UGT1A6: variants seen among roughly 807,000 people sequenced by gnomAD.
UGT1A6 encodes UDP glucuronosyltransferase family 1 member A6.
A neutral mutation model predicts 44.4 loss-of-function variants in UGT1A6; 32 were observed. That is an observed-to-expected ratio of 0.72 (90% confidence interval 0.54 to 0.97). The LOEUF (loss-of-function observed/expected upper bound fraction) is 0.97, where lower values mean the gene tolerates loss of function less well. Ranked by LOEUF, UGT1A6 falls within the 50% of genes least tolerant of loss-of-function variation. UGT1A6 has a pLI of 0.00. For synonymous variants in UGT1A6, 238 were observed against 248.5 expected, an observed-to-expected ratio of 0.96 and a Z score of 0.40; for missense variants, 685 against 661.9, an observed-to-expected ratio of 1.03 and a Z score of -0.38.
chr2:233,732,117 C>A (rs2078240109), intron 1 of UGT1A6, among the ~76,000 whole-genome samples: 1 of 144,304 alleles, frequency 6.9e-6, no homozygotes, highest in Non-Finnish European at 1.5e-5. Context: ...CCTTTGCCCA[C>A]TTTTTGATGA....
chr2:233,737,526 G>A (rs574961545), intron 1 of UGT1A6, among the ~76,000 whole-genome samples: 8 of 152,286 alleles, frequency 5.3e-5, no homozygotes, highest in East Asian at 3.9e-4. Context: ...GTGAGGCGAC[G>A]CCCTGCCCTG....
intron 1 of UGT1A6, among the ~76,000 whole-genome samples, chr2:233,697,447 T>A (rs2075391159): frequency 6.6e-6 from 1 of 151,962 alleles, no homozygotes; most frequent in Admixed American, 6.5e-5. Context: ...TCTGATTTTA[T>A]CTGAGTGTTT....
At chr2:233,760,129 C>T (rs1575768749) in intron 1 of UGT1A6, 2 of 1,354,926 alleles carry the variant, frequency 1.5e-6, no homozygotes, top group Non-Finnish European at 2.0e-6. Flanking sequence ...GCTCCACCTT[C>T]TTTATCTCTG....
intron 1 of UGT1A6, among the ~76,000 whole-genome samples, chr2:233,707,811 C>T (rs1355415040): frequency 1.3e-5 from 2 of 152,088 alleles, no homozygotes; most frequent in Admixed American, 6.6e-5. Flanking sequence ...CGTTGGAGGG[C>T]GTGCATATCA....
At chr2:233,711,897 G>A (rs553450118) in intron 1 of UGT1A6, among the ~76,000 whole-genome samples, 2 of 152,310 alleles carry the variant, frequency 1.3e-5, no homozygotes, top group South Asian at 4.1e-4. Context: ...TCTCATGGGC[G>A]TGAGACCATT....
At chr2:233,754,712 G>A (rs1446965337) in intron 1 of UGT1A6, 3 of 540,884 alleles carry the variant, frequency 5.5e-6, no homozygotes, top group East Asian at 1.4e-4. Context: ...TGGACTTGAA[G>A]CTGCCTGTCC....
intron 1 of UGT1A6, chr2:233,729,168 A>G (rs746194501): frequency 1.2e-6 from 2 of 1,613,726 alleles, no homozygotes; most frequent in Admixed American, 1.7e-5. Context: ...GGCTGGCCAC[A>G]GGACTGCTGC....
At chr2:233,714,373 T>G (rs899133661) in intron 1 of UGT1A6, among the ~76,000 whole-genome samples, 1 of 152,172 alleles carries the variant, frequency 6.6e-6, no homozygotes, top group Admixed American at 6.5e-5. Flanking sequence ...TTGACTCAGT[T>G]CAGTGGAATT....
intron 1 of UGT1A6, among the ~76,000 whole-genome samples, chr2:233,759,869 A>G (rs1186818099): frequency 6.6e-6 from 1 of 152,190 alleles, no homozygotes; most frequent in African/African-American, 2.4e-5. Flanking sequence ...AAGCGGGGGT[A>G]CAGTTGTGTT....
Position 233,772,382 on chromosome 2 carries a change from C to T in UGT1A6, c.1422C>T (p.Arg474=). 5 of 1,614,256 alleles carry T rather than the reference C, an allele frequency of 3.1e-6. No homozygotes were observed. The highest frequency in any genetic ancestry group is 2.5e-6 in the Non-Finnish European group (3 of 1,180,048). ...GGCACAAGGGCGCGCCACACCTGCGCCCCGCAGCCCACGACCTCACCTGGT... is the reference window on the plus strand; with the variant it reads ...GGCACAAGGGCGCGCCACACCTGCGTCCCGCAGCCCACGACCTCACCTGGT... ...VMRHKGAPHL[R]PAAHDLTWYQ... The change falls in exon 5 of 5, where the codon CGC becomes CGT. Residue 474 remains arginine, a synonymous_variant. Coordinates refer to ENST00000305139, the MANE Select transcript of UGT1A6 (RefSeq NM_001072.4).
rs1406835631 is a variant in UGT1A6 at position 233,768,368 on chromosome 2, G to T, written c.1230G>T (p.Val410=). The T allele has an allele frequency of 6.2e-7, 1 of 1,614,116 alleles. No individual in the cohort carries two copies. The highest frequency in any genetic ancestry group is 2.2e-5 in the East Asian group (1 of 44,876). Residue 410 remains valine, a synonymous_variant, in exon 4 of 5, where the codon GTG becomes GTT. Coordinates refer to ENST00000305139, the MANE Select transcript of UGT1A6 (RefSeq NM_001072.4). ...AKRMETKGAG[V]TLNVLEMTSE... ...GCATGGAGACTAAGGGAGCTGGAGT[G>T]ACCCTGAATGTTCTGGAAATGACTT...
intron 1 of UGT1A6, among the ~76,000 whole-genome samples, chr2:233,759,074 G>A (rs550324440): frequency 5.3e-5 from 8 of 152,342 alleles, no homozygotes; most frequent in African/African-American, 1.9e-4. Flanking sequence ...GAATTTGGAA[G>A]AAAGAGACTT....
At chr2:233,713,798 C>T in intron 1 of UGT1A6, 1 of 1,614,086 alleles carries the variant, frequency 6.2e-7, no homozygotes, top group Non-Finnish European at 8.5e-7. Flanking sequence ...CCAGGCCGAT[C>T]ATGCCCAACA....
At chr2:233,721,755 T>C in intron 1 of UGT1A6, 1 of 459,594 alleles carries the variant, frequency 2.2e-6, no homozygotes, top group Non-Finnish European at 4.3e-6. Flanking sequence ...AATCTACATC[T>C]AAATTGTTAT....
intron 1 of UGT1A6, among the ~76,000 whole-genome samples, chr2:233,739,630 G>A (rs535320958): frequency 6.6e-6 from 1 of 152,302 alleles, no homozygotes; most frequent in African/African-American, 2.4e-5. Context: ...CATTTGAAAT[G>A]GGAACATTTA....
At chr2:233,701,642 G>C (rs376187281) in intron 1 of UGT1A6, among the ~76,000 whole-genome samples, 7 of 152,306 alleles carry the variant, frequency 4.6e-5, no homozygotes, top group Admixed American at 2.6e-4. Flanking sequence ...ATAGCAAACT[G>C]TCTCTCAGAC....
At chr2:233,759,585 G>C in intron 1 of UGT1A6, among the ~76,000 whole-genome samples, 1 of 148,700 alleles carries the variant, frequency 6.7e-6, no homozygotes, top group Non-Finnish European at 1.5e-5. Context: ...ACCCCAGCAC[G>C]CCCCCCACCC....
At chr2:233,716,806 G>A (rs1420257230) in intron 1 of UGT1A6, among the ~76,000 whole-genome samples, 2 of 152,272 alleles carry the variant, frequency 1.3e-5, no homozygotes, top group South Asian at 2.1e-4. Flanking sequence ...GTCTCTGGAC[G>A]TTGCTGGGGT....
In UGT1A6 at chr2:233,743,703, C is replaced by T. The variant is rs200396442; in HGVS notation, c.862-23331C>T. 2.1e-4 allele frequency: 292 copies of T among 1,367,370 alleles called. 6 individuals are homozygous for T. Among genetic ancestry groups the T allele is most frequent in the African/African-American group, 1.2e-3 (81 of 67,578 alleles). 84.7% of individuals were successfully genotyped at this position (1,367,370 alleles called of 1,614,324 possible). On this transcript the variant is annotated intron_variant, in intron 1 of 4. Coordinates refer to ENST00000305139, the MANE Select transcript of UGT1A6 (RefSeq NM_001072.4). ...CCGCCTGTGCAGCCGCCCTCCGCCCCCGCCTCGCCATAGCGGTCATAGATA... is the reference window on the plus strand; with the variant it reads ...CCGCCTGTGCAGCCGCCCTCCGCCCTCGCCTCGCCATAGCGGTCATAGATA...
Sources: allele counts gnomAD v4.1 joint callset (sites outside exome capture counted in the v4.1 genomes callset), GRCh38; gene constraint gnomAD v4.1.1; transcripts MANE v1.5; gene names NCBI Gene and HGNC (gene_info 2026-07-23, HGNC 2026-07-21).